Variants in COX7B2 observed in about 807,000 individuals in gnomAD.
COX7B2 encodes the protein cytochrome c oxidase subunit 7B2, mitochondrial.
For missense variants in COX7B2, 109 were observed against 95.9 expected, an observed-to-expected ratio of 1.14 and a Z score of -0.57; for synonymous variants, 37 against 32.1, an observed-to-expected ratio of 1.15 and a Z score of -0.51.
chr4:46,890,295 CG>C (rs557984520), intron 1 of COX7B2, among the ~76,000 whole-genome samples: 161 of 152,238 alleles, frequency 1.1e-3, no homozygotes, highest in Middle Eastern at 6.8e-3. Flanking sequence ...CAACTAGCTG[CG>C]AACTATAACA....
intron 2 of COX7B2, among the ~76,000 whole-genome samples, chr4:46,838,565 A>T (rs1715692615): frequency 6.6e-6 from 1 of 152,094 alleles, no homozygotes; most frequent in South Asian, 2.1e-4. Flanking sequence ...TTGGTCCATT[A>T]ACCCTGGGTA....
At chr4:46,808,116 T>C (rs148981865) in intron 2 of COX7B2, among the ~76,000 whole-genome samples, 2 of 151,988 alleles carry the variant, frequency 1.3e-5, no homozygotes, top group Admixed American at 1.3e-4. Context: ...CTTTCTGTAC[T>C]ATGAATATTT....
intron 2 of COX7B2, among the ~76,000 whole-genome samples, chr4:46,757,702 T>C (rs1157588035): frequency 6.6e-6 from 1 of 152,024 alleles, no homozygotes; most frequent in African/African-American, 2.4e-5. Context: ...TCTTACGGAG[T>C]TTATGTTATC....
At chr4:46,875,731 T>C (rs899823339) in intron 1 of COX7B2, among the ~76,000 whole-genome samples, 1 of 151,768 alleles carries the variant, frequency 6.6e-6, no homozygotes, top group Non-Finnish European at 1.5e-5. Flanking sequence ...ACACATTCCT[T>C]TTCATCCCCC....
intron 1 of COX7B2, among the ~76,000 whole-genome samples, chr4:46,898,505 T>A (rs1719903665): frequency 6.6e-6 from 1 of 151,982 alleles, no homozygotes; most frequent in African/African-American, 2.4e-5. Flanking sequence ...GCAACCTCAT[T>A]CTCTTGGGCT....
At chr4:46,855,796 T>C (rs1716975459) in intron 1 of COX7B2, among the ~76,000 whole-genome samples, 1 of 152,172 alleles carries the variant, frequency 6.6e-6, no homozygotes, top group Admixed American at 6.5e-5. Flanking sequence ...AGTATTTAAA[T>C]ACATGAAACG....
chr4:46,868,135 C>T (rs2109816559), intron 1 of COX7B2, among the ~76,000 whole-genome samples: 1 of 152,174 alleles, frequency 6.6e-6, no homozygotes, highest in East Asian at 1.9e-4. Flanking sequence ...AATTTATCCA[C>T]ATATTCTAGG....
intron 2 of COX7B2, among the ~76,000 whole-genome samples, chr4:46,830,813 G>C (rs1231585940): frequency 6.6e-6 from 1 of 152,224 alleles, no homozygotes; most frequent in African/African-American, 2.4e-5. Flanking sequence ...AGTTTTACTG[G>C]GCATTAATGT....
At chr4:46,852,201 C>T (rs1396757699) in intron 1 of COX7B2, among the ~76,000 whole-genome samples, 2 of 151,984 alleles carry the variant, frequency 1.3e-5, no homozygotes, top group African/African-American at 4.8e-5. Flanking sequence ...AGCAAAGACT[C>T]AAGAGCATTT....
At chr4:46,803,097 GAAGTT>G (rs1279732451) in intron 2 of COX7B2, among the ~76,000 whole-genome samples, 3 of 152,178 alleles carry the variant, frequency 2.0e-5, no homozygotes, top group Non-Finnish European at 4.4e-5. Flanking sequence ...CTGTCTCAGA[GAAGTT>G]AAGTCTTCCA....
At chr4:46,879,782 C>T (rs535058142) in intron 1 of COX7B2, among the ~76,000 whole-genome samples, 3 of 151,168 alleles carry the variant, frequency 2.0e-5, no homozygotes, top group Non-Finnish European at 4.4e-5. Flanking sequence ...GAAGGAGTGC[C>T]GTTCCAATCC....
At chr4:46,894,734 A>C (rs2109879944) in intron 1 of COX7B2, among the ~76,000 whole-genome samples, 1 of 152,318 alleles carries the variant, frequency 6.6e-6, no homozygotes. Context: ...TTTGCAAACT[A>C]CGCATCTGAC....
intron 1 of COX7B2, among the ~76,000 whole-genome samples, chr4:46,880,287 A>G (rs1340920895): frequency 1.3e-5 from 2 of 152,178 alleles, no homozygotes; most frequent in African/African-American, 4.8e-5. Context: ...TGCTGACCTC[A>G]TAGAAAGAGC....
intron 2 of COX7B2, among the ~76,000 whole-genome samples, chr4:46,796,366 G>A (rs1718344458): frequency 6.7e-6 from 1 of 148,532 alleles, no homozygotes; most frequent in South Asian, 2.1e-4. Flanking sequence ...GGCCATCAGA[G>A]AAATGCAAAT....
chr4:46,808,207 G>C (rs1560394515), intron 2 of COX7B2, among the ~76,000 whole-genome samples: 1 of 151,648 alleles, frequency 6.6e-6, no homozygotes, highest in African/African-American at 2.4e-5. Flanking sequence ...TTCATTAAAT[G>C]TTTTATAATT....
intron 2 of COX7B2, among the ~76,000 whole-genome samples, chr4:46,838,883 C>CTT (rs879855732): frequency 3.4e-5 from 5 of 146,386 alleles, no homozygotes; most frequent in African/African-American, 1.2e-4. Context: ...TTTCCTGGAA[C>CTT]TTTTTTTTTT....
intron 1 of COX7B2, among the ~76,000 whole-genome samples, chr4:46,847,092 A>T (rs1716333136): frequency 6.6e-6 from 1 of 152,064 alleles, no homozygotes; most frequent in Non-Finnish European, 1.5e-5. Flanking sequence ...TGTAAGAAGA[A>T]ATGAGTGCAG....
At chr4:46,760,548 G>A (rs1716085702) in intron 2 of COX7B2, among the ~76,000 whole-genome samples, 1 of 152,010 alleles carries the variant, frequency 6.6e-6, no homozygotes, top group Admixed American at 6.6e-5. Context: ...TCACACACTG[G>A]GGCTGGTCAT....
In COX7B2 at chr4:46,754,728, GTATATATA is replaced by G. The variant is rs56248005; in HGVS notation, c.-49-19495_-49-19488del. On this transcript the variant is annotated intron_variant, in intron 2 of 2. Coordinates refer to ENST00000355591, the MANE Select transcript of COX7B2 (RefSeq NM_130902.3). ...TGTGTGTGTGTGTGTGTGTGTGTGT[GTATATATA>G]TATATATATATATGAAAGAAATCCA... 3.3e-4 allele frequency among the ~76,000 whole-genome samples: 13 copies of G among 39,868 alleles called. 1 individual carries two copies. The South Asian group carries it at 5.9e-3, about 18-fold the overall frequency. The allele number at this position is 39,868 out of a possible 152,430, so 26.2% of individuals were successfully genotyped here. A position where few individuals can be genotyped will look rare whatever the true frequency, so the allele number is the denominator to read the frequency against.
Sources: allele counts gnomAD v4.1 joint callset (sites outside exome capture counted in the v4.1 genomes callset), GRCh38; gene constraint gnomAD v4.1.1; transcripts MANE v1.5; gene names NCBI Gene and HGNC (gene_info 2026-07-23, HGNC 2026-07-21).